NTM: variants seen among roughly 807,000 people sequenced by gnomAD.
NTM encodes IgLON family member 2.
A neutral mutation model predicts 42.1 loss-of-function variants in NTM; 13 were observed. That is an observed-to-expected ratio of 0.31 (90% CI 0.20 to 0.49). NTM has a LOEUF of 0.49. Among genes scored for constraint, NTM ranks in the 20% least tolerant of loss-of-function variants. The pLI, the probability that NTM is intolerant of heterozygous loss-of-function variation, is 0.99. For missense variants in NTM, 373 were observed against 452.8 expected (o/e 0.82, Z 1.60); for synonymous variants, 187 against 179.2 (o/e 1.04, Z -0.35).
At chr11:131,528,783 T>G (rs913586433) in intron 1 of NTM, among the ~76,000 whole-genome samples, 2 of 152,218 alleles carry the variant, frequency 1.3e-5, no homozygotes, top group African/African-American at 4.8e-5. Context: ...CAGAATTCTC[T>G]TCTACATCTA....
At chr11:131,881,510 C>A (rs486869) in intron 1 of NTM, among the ~76,000 whole-genome samples, 24,372 of 144,986 alleles carry the variant, frequency 0.17, 1,933 homozygotes, top group South Asian at 0.2. Context: ...ACACACACAC[C>A]CCCCAAAGCT....
At chr11:132,135,491 A>C (rs1274549550) in intron 2 of NTM, among the ~76,000 whole-genome samples, 1 of 152,356 alleles carries the variant, frequency 6.6e-6, no homozygotes, top group East Asian at 1.9e-4. Flanking sequence ...CTAGGAGAAC[A>C]GGCAGAAGGT....
intron 1 of NTM, among the ~76,000 whole-genome samples, chr11:131,498,005 G>T (rs1459579577): frequency 6.6e-6 from 1 of 152,220 alleles, no homozygotes; most frequent in Non-Finnish European, 1.5e-5. Context: ...CTCAGCAGTA[G>T]GGACTAGCTG....
At chr11:131,914,767 A>T (rs886302256) in intron 2 of NTM, among the ~76,000 whole-genome samples, 2 of 152,214 alleles carry the variant, frequency 1.3e-5, no homozygotes, top group Non-Finnish European at 2.9e-5. Flanking sequence ...TAAAAGGGTG[A>T]GGTAAAACAG....
intron 2 of NTM, among the ~76,000 whole-genome samples, chr11:132,008,866 CT>C (rs538607736): frequency 0.012 from 1,642 of 137,406 alleles, 26 homozygotes; most frequent in African/African-American, 0.036. Flanking sequence ...TCCTTGTTTT[CT>C]TTTTTTTTTT....
At chr11:131,655,303 C>G (rs2067035730) in intron 1 of NTM, among the ~76,000 whole-genome samples, 1 of 152,018 alleles carries the variant, frequency 6.6e-6, no homozygotes, top group African/African-American at 2.4e-5. Flanking sequence ...CCCATCCTTA[C>G]CCTACACCAG....
At chr11:132,127,111 A>T (rs1396897494) in intron 2 of NTM, among the ~76,000 whole-genome samples, 2 of 152,082 alleles carry the variant, frequency 1.3e-5, no homozygotes, top group Non-Finnish European at 2.9e-5. Flanking sequence ...ACTGCCCCCC[A>T]AAGTCCCTGA....
At chr11:131,702,929 C>A (rs975377936) in intron 1 of NTM, among the ~76,000 whole-genome samples, 1 of 152,142 alleles carries the variant, frequency 6.6e-6, no homozygotes, top group African/African-American at 2.4e-5. Context: ...CTGAAACACT[C>A]TTATACAATA....
At chr11:132,287,652 C>T (rs1197766997) in intron 4 of NTM, among the ~76,000 whole-genome samples, 2 of 152,168 alleles carry the variant, frequency 1.3e-5, no homozygotes, top group Non-Finnish European at 2.9e-5. Flanking sequence ...TTTGACTCTG[C>T]ATGTTTCCCA....
At chr11:131,803,470 A>G (rs2092294604) in intron 1 of NTM, among the ~76,000 whole-genome samples, 1 of 152,002 alleles carries the variant, frequency 6.6e-6, no homozygotes, top group African/African-American at 2.4e-5. Context: ...CACCACACCC[A>G]GCTAATTTTT....
chr11:132,262,974 A>G (rs2092959181), intron 4 of NTM, among the ~76,000 whole-genome samples: 1 of 152,226 alleles, frequency 6.6e-6, no homozygotes, highest in African/African-American at 2.4e-5. Flanking sequence ...AGGCATTCCC[A>G]TTCCAAGGGG....
intron 1 of NTM, among the ~76,000 whole-genome samples, chr11:131,450,288 G>T (rs976202658): frequency 2.6e-5 from 4 of 152,200 alleles, no homozygotes; most frequent in African/African-American, 9.6e-5. Flanking sequence ...CAATGTTTAT[G>T]CATGGGGTGA....
chr11:131,816,838 TTAGCA>T (rs1470722082), intron 1 of NTM, among the ~76,000 whole-genome samples: 30 of 71,744 alleles, frequency 4.2e-4, no homozygotes, highest in African/African-American at 1.9e-3. Flanking sequence ...GGGTCCATAC[TTAGCA>T]TAGCCTAAAA....
At chr11:132,305,645 C>T (rs2095050196) in intron 4 of NTM, among the ~76,000 whole-genome samples, 1 of 152,054 alleles carries the variant, frequency 6.6e-6, no homozygotes. Flanking sequence ...AAATGTAAGC[C>T]CGTGGTTGGT....
At chr11:132,041,596 C>T (rs11222881) in intron 2 of NTM, among the ~76,000 whole-genome samples, 9,725 of 152,210 alleles carry the variant, frequency 0.064, 370 homozygotes, top group South Asian at 0.17. Flanking sequence ...TGGGTATGAA[C>T]GTGCAATCAT....
intron 4 of NTM, among the ~76,000 whole-genome samples, chr11:132,241,489 A>C (rs1489889284): frequency 1.3e-5 from 2 of 152,182 alleles, no homozygotes; most frequent in African/African-American, 4.8e-5. Flanking sequence ...GTCTAGTTAC[A>C]TGAGCCAAAT....
At chr11:131,508,803 C>T (rs1335408068) in intron 1 of NTM, among the ~76,000 whole-genome samples, 2 of 148,834 alleles carry the variant, frequency 1.3e-5, no homozygotes, top group African/African-American at 5.0e-5. Flanking sequence ...CCAAACACCG[C>T]ATATTCTCAC....
In NTM at chr11:132,260,015, G is replaced by A. The variant is rs141880675; in HGVS notation, c.527-47674G>A. On this transcript the variant is annotated intron_variant, in intron 4 of 8. Coordinates refer to ENST00000683400, the MANE Select transcript of NTM (RefSeq NM_001352005.2). ...TTTTGAGTAGAATCAGTTGATGAAG[G>A]CATTTGCCTGGGTGGCGGGAGCAGG... Among the ~76,000 whole-genome samples the A allele has an allele frequency of 6.1e-3, 926 of 152,232 alleles. 7 individuals carry two copies. The highest frequency in any genetic ancestry group is 0.021 in the African/African-American group (878 of 41,556).
At chr11:131,399,966 C>A (rs988444530) in intron 1 of NTM, among the ~76,000 whole-genome samples, 1 of 152,036 alleles carries the variant, frequency 6.6e-6, no homozygotes, top group Non-Finnish European at 1.5e-5. Flanking sequence ...TGCTAGTATG[C>A]ACCTATTTTG....
Sources: gnomAD v4.1 joint callset for allele counts (sites outside exome capture counted in the v4.1 genomes callset) on GRCh38, gnomAD v4.1.1 for gene constraint, MANE v1.5 for transcripts, NCBI Gene and HGNC (gene_info 2026-07-23, HGNC 2026-07-21) for gene names.